NRXN3: variants seen among roughly 807,000 people sequenced by gnomAD.
NRXN3 encodes the protein neurexin 3.
A neutral mutation model predicts 137.6 loss-of-function variants in NRXN3; 32 were observed. That is an observed-to-expected ratio of 0.23 (90% confidence interval 0.18 to 0.31). The LOEUF (loss-of-function observed/expected upper bound fraction) is 0.31, where lower values mean the gene tolerates loss of function less well. Among genes scored for constraint, NRXN3 ranks in the 10% least tolerant of loss-of-function variants. NRXN3 has a pLI of 1.00. For synonymous variants in NRXN3, 798 were observed against 784.5 expected, an observed-to-expected ratio of 1.02 and a Z score of -0.29; for missense variants, 1,574 against 2,062.5, an observed-to-expected ratio of 0.76 and a Z score of 4.59.
Position 79,861,175 on chromosome 14 carries a change from G to A in NRXN3, c.4094-167G>A. 6.5e-7 allele frequency: 1 copy of A among 1,530,960 alleles called. No homozygotes were observed. Among genetic ancestry groups the A allele is most frequent in the Non-Finnish European group, 8.7e-7 (1 of 1,144,938 alleles). The allele number at this position is 1,530,960 out of a possible 1,614,324, so 94.8% of individuals were successfully genotyped here. ...TTATTGAGACCACCAAAGATTCCCT[G>A]TCCATGACCTCTGAGGCGGGGTTAC... is the stretch of plus-strand genomic sequence containing the variant. On this transcript the variant is annotated intron_variant, in intron 20 of 20. Coordinates refer to ENST00000335750, the MANE Select transcript of NRXN3 (RefSeq NM_001330195.2). This position sits in a 1 kb window ranked among gnomAD's most constrained non-coding sequence, Gnocchi z 5.4.
intron 1 of NRXN3, among the ~76,000 whole-genome samples, chr14:78,170,952 CTTTTTT>C (rs545853025): frequency 7.9e-6 from 1 of 126,210 alleles, no homozygotes; most frequent in Non-Finnish European, 1.6e-5. Flanking sequence ...TCTTCTTCTT[CTTTTTT>C]TTTTTTTTTT....
chr14:79,160,226 G>T (rs2060630796), intron 15 of NRXN3, among the ~76,000 whole-genome samples: 1 of 151,872 alleles, frequency 6.6e-6, no homozygotes, highest in South Asian at 2.1e-4. Flanking sequence ...TAGTTGAAAA[G>T]AAGAAAAATA....
At chr14:79,075,604 T>C (rs1349547880) in intron 15 of NRXN3, among the ~76,000 whole-genome samples, 1 of 152,150 alleles carries the variant, frequency 6.6e-6, no homozygotes, top group Non-Finnish European at 1.5e-5. Flanking sequence ...ATTTCAGATA[T>C]TTAATTAAGT....
intron 16 of NRXN3, among the ~76,000 whole-genome samples, chr14:79,560,107 T>C (rs1834243): frequency 0.99 from 151,355 of 152,252 alleles, 75,241 homozygotes; most frequent in Middle Eastern, 1. Flanking sequence ...GATAAATTAA[T>C]TTACTATTTG....
At chr14:79,489,840 C>A (rs950311127) in intron 16 of NRXN3, among the ~76,000 whole-genome samples, 2 of 151,638 alleles carry the variant, frequency 1.3e-5, no homozygotes, top group Non-Finnish European at 2.9e-5. Context: ...GAGATCAAGA[C>A]CATCCTGGCT....
At chr14:79,177,184 C>G (rs1241268130) in intron 15 of NRXN3, among the ~76,000 whole-genome samples, 2 of 152,146 alleles carry the variant, frequency 1.3e-5, no homozygotes, top group Non-Finnish European at 2.9e-5. Flanking sequence ...ATAACTACAG[C>G]ACAATTATTT....
chr14:78,720,943 T>C (rs907685026), intron 8 of NRXN3, among the ~76,000 whole-genome samples: 1 of 152,164 alleles, frequency 6.6e-6, no homozygotes. Context: ...TGTGTCAGGC[T>C]TTGTGAGCTG....
At chr14:78,810,196 T>A in intron 9 of NRXN3, 122 bp from the exon 10 acceptor site, 1 of 642,850 alleles carries the variant, frequency 1.6e-6, no homozygotes, top group Non-Finnish European at 2.8e-6. Context: ...TTTATATATA[T>A]AAAATGGCCA....
At position 78,970,578 on chromosome 14, in the gene NRXN3, A is replaced by G. The variant is rs79409375; in HGVS notation, c.3142+2232A>G. Among the ~76,000 whole-genome samples, 34 of 152,326 alleles carry G rather than the reference A, an allele frequency of 2.2e-4. No homozygotes were observed. In the East Asian group the frequency reaches 6.6e-3, roughly 29 times the overall value. Reference sequence around the variant, plus strand: ...TAAATAAATAAAGCTATAGTATTGGATTAAAAGGAGGTCTAAGCTTTATAA... The same window carrying G: ...TAAATAAATAAAGCTATAGTATTGGGTTAAAAGGAGGTCTAAGCTTTATAA... On this transcript the variant is annotated intron_variant, in intron 14 of 20. Transcript: ENST00000335750.
intron 4 of NRXN3, among the ~76,000 whole-genome samples, chr14:78,493,074 A>T (rs1044917407): frequency 3.9e-5 from 6 of 152,172 alleles, no homozygotes; most frequent in African/African-American, 1.4e-4. Flanking sequence ...GATCCAAAGG[A>T]TGCCTCGAAA....
intron 1 of NRXN3, among the ~76,000 whole-genome samples, chr14:78,200,740 A>G (rs540894824): frequency 6.6e-6 from 1 of 152,320 alleles, no homozygotes; most frequent in African/African-American, 2.4e-5. Flanking sequence ...CAGATTAATC[A>G]CAATGGTTCT....
chr14:79,629,688 T>C (rs1603263732), intron 16 of NRXN3, among the ~76,000 whole-genome samples: 1 of 152,178 alleles, frequency 6.6e-6, no homozygotes, highest in East Asian at 1.9e-4. Flanking sequence ...GTGCAGGAAC[T>C]GAAGGAAGAT....
At chr14:79,236,544 C>T (rs1448898469) in intron 15 of NRXN3, among the ~76,000 whole-genome samples, 1 of 152,042 alleles carries the variant, frequency 6.6e-6, no homozygotes, top group African/African-American at 2.4e-5. Context: ...ATTAACCATT[C>T]CCCAGGGTAG....
intron 4 of NRXN3, among the ~76,000 whole-genome samples, chr14:78,321,131 A>G (rs1177501652): frequency 1.3e-5 from 2 of 151,806 alleles, no homozygotes; most frequent in Non-Finnish European, 2.9e-5. Flanking sequence ...AAAAGAAAAA[A>G]GAAAAAGAAA....
At chr14:78,849,337 C>G (rs150384858) in intron 10 of NRXN3, among the ~76,000 whole-genome samples, 21 of 152,194 alleles carry the variant, frequency 1.4e-4, no homozygotes, top group African/African-American at 4.8e-4. Context: ...CAGTTGTCCC[C>G]AGGCTGCATA....
intron 15 of NRXN3, among the ~76,000 whole-genome samples, chr14:79,275,742 A>G (rs1016899615): frequency 5.5e-5 from 8 of 146,152 alleles, no homozygotes; most frequent in East Asian, 2.0e-4. Context: ...GGGGGGGGGG[A>G]CATTTAAAAA....
intron 15 of NRXN3, among the ~76,000 whole-genome samples, chr14:79,196,432 T>C (rs2065137326): frequency 6.6e-6 from 1 of 152,160 alleles, no homozygotes; most frequent in Admixed American, 6.5e-5. Flanking sequence ...CCAAACTCAA[T>C]TTTATAACCA....
chr14:78,727,593 G>A (rs1012133743), intron 8 of NRXN3, among the ~76,000 whole-genome samples: 1 of 152,146 alleles, frequency 6.6e-6, no homozygotes, highest in African/African-American at 2.4e-5. Context: ...AAATTAGCCA[G>A]GCATGGTGGT....
At chr14:79,257,402 G>A (rs1010670108) in intron 15 of NRXN3, among the ~76,000 whole-genome samples, 2 of 116,596 alleles carry the variant, frequency 1.7e-5, no homozygotes, top group South Asian at 3.0e-4. Context: ...TGGTGGTGGT[G>A]GTGGTGGTGG....
Sources: allele counts gnomAD v4.1 joint callset (sites outside exome capture counted in the v4.1 genomes callset), GRCh38; gene constraint gnomAD v4.1.1; non-coding constraint Gnocchi (gnomAD v3.1); transcripts MANE v1.5; gene names NCBI Gene and HGNC (gene_info 2026-07-23, HGNC 2026-07-21).